Variants in PTPRM observed in about 807,000 individuals in gnomAD.
PTPRM encodes the protein receptor-type tyrosine-protein phosphatase mu.
A neutral mutation model predicts 186.7 loss-of-function variants in PTPRM; 47 were observed. That is an observed-to-expected ratio of 0.25 (90% CI 0.20 to 0.32). PTPRM has a LOEUF of 0.32. PTPRM is among the 10% of genes least tolerant of loss of function. The pLI is 1.00. For synonymous variants in PTPRM, 668 were observed against 674.9 expected (o/e 0.99, Z 0.16); for missense variants, 1,494 against 1,865.0 (o/e 0.80, Z 3.66).
intron 3 of PTPRM, among the ~76,000 whole-genome samples, chr18:7,903,378 C>A (rs932745206): frequency 6.6e-6 from 1 of 152,228 alleles, no homozygotes; most frequent in South Asian, 2.1e-4. Flanking sequence ...GCTGTCCCTG[C>A]AGTAGCCATT....
chr18:8,044,467 C>G (rs918264172), intron 7 of PTPRM, among the ~76,000 whole-genome samples: 1 of 151,992 alleles, frequency 6.6e-6, no homozygotes, highest in Non-Finnish European at 1.5e-5. Context: ...TTGCAGTAAT[C>G]AAGACATGCG....
intron 15 of PTPRM, among the ~76,000 whole-genome samples, chr18:8,246,226 A>G (rs1352129812): frequency 6.6e-6 from 1 of 152,188 alleles, no homozygotes; most frequent in Admixed American, 6.5e-5. Context: ...CACCACACCT[A>G]TGACAAGTGT....
At chr18:7,657,238 C>T (rs1315650170) in intron 1 of PTPRM, among the ~76,000 whole-genome samples, 2 of 152,176 alleles carry the variant, frequency 1.3e-5, no homozygotes, top group Admixed American at 6.5e-5. Flanking sequence ...TCTGGATCTG[C>T]CATTGACAGC....
chr18:8,139,726 G>A (rs145500514), intron 13 of PTPRM, among the ~76,000 whole-genome samples: 9 of 152,046 alleles, frequency 5.9e-5, no homozygotes, highest in African/African-American at 1.7e-4. Context: ...GTCTCTGCTC[G>A]AATGTTATTT....
At chr18:8,341,690 C>CA (rs1555879308) in intron 22 of PTPRM, among the ~76,000 whole-genome samples, 2 of 151,758 alleles carry the variant, frequency 1.3e-5, no homozygotes, top group South Asian at 2.1e-4. Flanking sequence ...AAGCCCCCCC[C>CA]CCTTTGATTC....
At chr18:7,669,916 G>C (rs2039180957) in intron 1 of PTPRM, among the ~76,000 whole-genome samples, 1 of 151,412 alleles carries the variant, frequency 6.6e-6, no homozygotes, top group Admixed American at 6.6e-5. Context: ...TTTCTTTTTT[G>C]TATTTTTAGT....
At chr18:8,158,115 A>G (rs1036429011) in intron 14 of PTPRM, among the ~76,000 whole-genome samples, 1 of 152,228 alleles carries the variant, frequency 6.6e-6, no homozygotes, top group African/African-American at 2.4e-5. Context: ...AATGCCTGGT[A>G]ACTCCACTCA....
At chr18:7,748,788 C>T (rs1030998586) in intron 1 of PTPRM, among the ~76,000 whole-genome samples, 2 of 152,094 alleles carry the variant, frequency 1.3e-5, no homozygotes, top group Non-Finnish European at 2.9e-5. Flanking sequence ...ATCTGAAAAA[C>T]AGGAAGCAGA....
intron 1 of PTPRM, among the ~76,000 whole-genome samples, chr18:7,762,195 C>T (rs943599975): frequency 1.3e-5 from 2 of 152,056 alleles, no homozygotes; most frequent in South Asian, 4.1e-4. Context: ...GTATATTTGG[C>T]AGTGATGGTT....
intron 2 of PTPRM, among the ~76,000 whole-genome samples, chr18:7,875,879 C>T (rs1278542267): frequency 2.0e-5 from 3 of 151,956 alleles, no homozygotes; most frequent in Non-Finnish European, 2.9e-5. Flanking sequence ...TTACACAAAT[C>T]GAGATGGTAG....
At chr18:7,954,677 G>GA (rs920067852) in intron 6 of PTPRM, among the ~76,000 whole-genome samples, 6 of 149,276 alleles carry the variant, frequency 4.0e-5, no homozygotes, top group East Asian at 3.9e-4. Context: ...AACTTTAGTG[G>GA]AAAAAAAAAA....
intron 19 of PTPRM, among the ~76,000 whole-genome samples, chr18:8,284,734 C>A (rs2094938049): frequency 2.0e-5 from 3 of 152,100 alleles, no homozygotes; most frequent in Admixed American, 2.0e-4. Context: ...GGCAACAGAG[C>A]AAGACTCTGA....
chr18:8,024,157 G>A (rs150271908), intron 7 of PTPRM, among the ~76,000 whole-genome samples: 129 of 152,220 alleles, frequency 8.5e-4, no homozygotes, highest in African/African-American at 2.9e-3. Context: ...TCTGGTATGA[G>A]TTGAGCTCTG....
intron 31 of PTPRM, among the ~76,000 whole-genome samples, chr18:8,394,038 C>A (rs1377959440): frequency 6.6e-6 from 1 of 152,188 alleles, no homozygotes; most frequent in Admixed American, 6.5e-5. Flanking sequence ...GTGATCCACC[C>A]ACCTTGGCCT....
intron 14 of PTPRM, among the ~76,000 whole-genome samples, chr18:8,210,065 A>C (rs540745197): frequency 6.7e-6 from 1 of 149,002 alleles, no homozygotes; most frequent in South Asian, 2.1e-4. Flanking sequence ...TAATCCCAAC[A>C]CTTTGGGAGG....
At chr18:8,261,503 G>A (rs978153452) in intron 19 of PTPRM, among the ~76,000 whole-genome samples, 2 of 152,094 alleles carry the variant, frequency 1.3e-5, no homozygotes, top group Non-Finnish European at 2.9e-5. Context: ...AAGTTTCTGC[G>A]TATTTTTAAA....
At chr18:7,975,535 A>G (rs764068163) in intron 7 of PTPRM, among the ~76,000 whole-genome samples, 3 of 152,226 alleles carry the variant, frequency 2.0e-5, no homozygotes, top group African/African-American at 4.8e-5. Context: ...CAACTACGGT[A>G]AGGTTCCACA....
intron 7 of PTPRM, among the ~76,000 whole-genome samples, chr18:8,063,404 G>C (rs553705999): frequency 6.6e-6 from 1 of 151,974 alleles, no homozygotes; most frequent in African/African-American, 2.4e-5. Flanking sequence ...GAAATCACCC[G>C]TCTTCTGCGT....
intron 13 of PTPRM, among the ~76,000 whole-genome samples, chr18:8,140,878 G>A (rs771903669): frequency 7.9e-5 from 12 of 152,120 alleles, no homozygotes; most frequent in Non-Finnish European, 1.0e-4. Flanking sequence ...TAACAAGACC[G>A]AGGGGGAAAT....
Sources: gnomAD v4.1 joint callset for allele counts (sites outside exome capture counted in the v4.1 genomes callset) on GRCh38, gnomAD v4.1.1 for gene constraint, MANE v1.5 for transcripts, NCBI Gene and HGNC (gene_info 2026-07-23, HGNC 2026-07-21) for gene names.